Variants in EYA2 observed in about 807,000 individuals in gnomAD.
The protein encoded by EYA2 is EYA transcriptional coactivator and phosphatase 2.
EYA2 carries 31 observed loss-of-function variants against 69.2 expected under a neutral mutation model. The observed-to-expected ratio is 0.45, with a 90% confidence interval of 0.34 to 0.60. EYA2 has a LOEUF of 0.60. EYA2 is among the 20% of genes least tolerant of loss of function. The pLI, the probability that EYA2 is intolerant of heterozygous loss-of-function variation, is 0.02. For synonymous variants in EYA2, 257 were observed against 279.4 expected, an observed-to-expected ratio of 0.92 and a Z score of 0.80; for missense variants, 622 against 701.2, an observed-to-expected ratio of 0.89 and a Z score of 1.28.
intron 5 of EYA2, among the ~76,000 whole-genome samples, chr20:47,062,925 G>T (rs909514617): frequency 6.6e-6 from 1 of 152,184 alleles, no homozygotes; most frequent in Non-Finnish European, 1.5e-5. Context: ...GGGTGCCCAG[G>T]AGTGTGGCAG....
intron 4 of EYA2, among the ~76,000 whole-genome samples, chr20:47,011,394 C>T (rs1983047845): frequency 6.6e-6 from 1 of 152,182 alleles, no homozygotes; most frequent in African/African-American, 2.4e-5. Flanking sequence ...TCCTGTCTCT[C>T]CTCTGCTCAG....
intron 10 of EYA2, among the ~76,000 whole-genome samples, chr20:47,157,727 A>G (rs1411056730): frequency 1.3e-5 from 2 of 152,034 alleles, no homozygotes; most frequent in Non-Finnish European, 2.9e-5. Flanking sequence ...AAATAAAAAT[A>G]AATACAACAA....
intron 8 of EYA2, chr20:47,095,700 A>G (rs1438976013): frequency 6.6e-6 from 1 of 152,222 alleles, no homozygotes; most frequent in African/African-American, 2.4e-5. Context: ...TCAAAGATCT[A>G]GAGGATATTG....
chr20:47,043,141 A>G (rs939176831), intron 5 of EYA2, among the ~76,000 whole-genome samples: 3 of 152,186 alleles, frequency 2.0e-5, no homozygotes, highest in Non-Finnish European at 4.4e-5. Context: ...CTGCTGTCTT[A>G]CAGAGCTCTG....
At chr20:47,012,192 G>A (rs1473685814) in intron 4 of EYA2, among the ~76,000 whole-genome samples, 1 of 152,112 alleles carries the variant, frequency 6.6e-6, no homozygotes, top group Admixed American at 6.5e-5. Context: ...GCTCACTTTG[G>A]TGCTTCCATG....
intron 9 of EYA2, among the ~76,000 whole-genome samples, chr20:47,128,311 G>A (rs759498410): frequency 6.6e-6 from 1 of 152,172 alleles, no homozygotes; most frequent in African/African-American, 2.4e-5. Flanking sequence ...AAGGGGAGAC[G>A]GTTTCCCACC....
At chr20:47,163,383 C>A (rs2034110985) in intron 10 of EYA2, among the ~76,000 whole-genome samples, 1 of 152,072 alleles carries the variant, frequency 6.6e-6, no homozygotes, top group African/African-American at 2.4e-5. Context: ...GTCTTGGAAC[C>A]ATTTCCATGT....
At chr20:47,001,940 T>A (rs1418492274) in intron 3 of EYA2, among the ~76,000 whole-genome samples, 1 of 151,650 alleles carries the variant, frequency 6.6e-6, no homozygotes. Context: ...CTTCTATTTT[T>A]TTTTTCTCCG....
At position 46,960,660 on chromosome 20, in the gene EYA2, A is replaced by C. The variant is rs141913720; in HGVS notation, c.-10-29341A>C. Among the ~76,000 whole-genome samples, 151 of 152,328 alleles carry C rather than the reference A, an allele frequency of 9.9e-4. No individual in the cohort carries two copies. The Middle Eastern group carries it at 0.02, about 21-fold the overall frequency. On this transcript the variant is annotated intron_variant, in intron 1 of 15. Coordinates refer to ENST00000327619, the MANE Select transcript of EYA2 (RefSeq NM_005244.5). ...ATCCACTGCCTATTTTTGTAAATAA[A>C]GTCTTATTAGAACACAGTCATCCCA...
At chr20:47,100,022 G>A (rs1402693978) in intron 9 of EYA2, among the ~76,000 whole-genome samples, 1 of 141,270 alleles carries the variant, frequency 7.1e-6, no homozygotes, top group Non-Finnish European at 1.5e-5. Context: ...GGTTTGGTTT[G>A]GTTTGGTTTG....
intron 1 of EYA2, among the ~76,000 whole-genome samples, chr20:46,988,424 C>G (rs1408373820): frequency 3.9e-5 from 6 of 152,086 alleles, no homozygotes; most frequent in African/African-American, 7.2e-5. Flanking sequence ...GGGTAGCACA[C>G]TGGGATGTGA....
chr20:47,123,794 C>T (rs2033111049), intron 9 of EYA2, among the ~76,000 whole-genome samples: 2 of 152,040 alleles, frequency 1.3e-5, no homozygotes, highest in South Asian at 4.1e-4. Flanking sequence ...AGTTCAAGAC[C>T]AGCCTGGCCA....
At chr20:47,109,351 G>A (rs960375679) in intron 9 of EYA2, among the ~76,000 whole-genome samples, 1 of 152,078 alleles carries the variant, frequency 6.6e-6, no homozygotes, top group African/African-American at 2.4e-5. Flanking sequence ...CTTGTTTCAC[G>A]TAGGTACTAC....
intron 1 of EYA2, among the ~76,000 whole-genome samples, chr20:46,932,131 G>A (rs915579672): frequency 2.6e-5 from 4 of 151,338 alleles, no homozygotes; most frequent in Non-Finnish European, 5.9e-5. Context: ...CACCTACCTC[G>A]CCCCCCGCCT....
At chr20:46,916,759 C>T (rs1478337156) in intron 1 of EYA2, among the ~76,000 whole-genome samples, 1 of 152,214 alleles carries the variant, frequency 6.6e-6, no homozygotes, top group Non-Finnish European at 1.5e-5. Flanking sequence ...ACAAATGATG[C>T]TCACTTTCTT....
intron 9 of EYA2, among the ~76,000 whole-genome samples, chr20:47,107,665 C>A (rs2032627900): frequency 6.6e-6 from 1 of 150,606 alleles, no homozygotes; most frequent in Admixed American, 6.6e-5. Context: ...ACATGAGACC[C>A]TGTCTCTAAA....
rs115320254 is a variant in EYA2 at position 47,141,554 on chromosome 20, A to G, written c.889-1505A>G. 4.2e-3 allele frequency among the ~76,000 whole-genome samples: 633 copies of G among 152,330 alleles called. 9 individuals carry two copies. The highest frequency in any genetic ancestry group is 0.014 in the African/African-American group (598 of 41,580). ...TAGGTAAGGGCATGCTGCAGTAACA[A>G]ACATCCCCAAAATCTCATCTACTTC... On this transcript the variant is annotated intron_variant, in intron 9 of 15. Transcript: ENST00000327619.
At chr20:47,004,832 G>A (rs1982603389) in intron 3 of EYA2, 110 bp from the exon 4 acceptor site, 1 of 1,414,226 alleles carries the variant, frequency 7.1e-7, no homozygotes, top group East Asian at 2.3e-5. Context: ...TGTTGTCTCT[G>A]CTCTGGAAAG....
At chr20:47,031,399 G>A (rs1334276627) in intron 5 of EYA2, among the ~76,000 whole-genome samples, 1 of 152,226 alleles carries the variant, frequency 6.6e-6, no homozygotes, top group South Asian at 2.1e-4. Context: ...TGACTGCTGG[G>A]ATGAGTGGAC....
Sources: gnomAD v4.1 joint callset for allele counts (sites outside exome capture counted in the v4.1 genomes callset) on GRCh38, gnomAD v4.1.1 for gene constraint, MANE v1.5 for transcripts, NCBI Gene and HGNC (gene_info 2026-07-23, HGNC 2026-07-21) for gene names.